CLUL1: variants seen among roughly 807,000 people sequenced by gnomAD.
CLUL1 encodes the protein clusterin-like protein 1.
A neutral mutation model predicts 49.4 loss-of-function variants in CLUL1; 43 were observed. The ratio of observed to expected loss-of-function variants is 0.87; its 90% CI spans 0.68 to 1.12. The LOEUF is 1.12. Ranked by LOEUF, CLUL1 falls within the 50% of genes most tolerant of loss-of-function variation. The pLI is 0.00. For synonymous variants in CLUL1, 192 were observed against 184.9 expected, an observed-to-expected ratio of 1.04 and a Z score of -0.31; for missense variants, 486 against 544.4, an observed-to-expected ratio of 0.89 and a Z score of 1.07.
chr18:649,874 G>A, intron 9 of CLUL1, 24 bp from the exon 10 acceptor site: 1 of 1,303,038 alleles, frequency 7.7e-7, no homozygotes, highest in Non-Finnish European at 1.1e-6. Flanking sequence ...TTTGATCATT[G>A]CTGCCTTTTT....
chr18:645,742 A>C (rs61280520), intron 9 of CLUL1, among the ~76,000 whole-genome samples: 42,284 of 111,630 alleles, frequency 0.38, 9,432 homozygotes, highest in East Asian at 0.65. Flanking sequence ...TGCAGTGAGC[A>C]GAGATCGCGC....
chr18:608,362 C>A (rs1359775454), intron 2 of CLUL1, among the ~76,000 whole-genome samples: 1 of 152,138 alleles, frequency 6.6e-6, no homozygotes, highest in Non-Finnish European at 1.5e-5. Context: ...AATGAAGAGG[C>A]CTAAAAACCC....
intron 4 of CLUL1, among the ~76,000 whole-genome samples, chr18:623,503 G>A (rs186659845): frequency 3.3e-5 from 5 of 152,060 alleles, no homozygotes; most frequent in Admixed American, 1.3e-4. Flanking sequence ...AAATTAGCCC[G>A]GCATGGTGGC....
intron 1 of CLUL1, among the ~76,000 whole-genome samples, chr18:605,487 G>T (rs34753281): frequency 0.14 from 20,683 of 151,868 alleles, 1,454 homozygotes; most frequent in Admixed American, 0.18. Context: ...AATTAGCCAG[G>T]TGTGGTGGCC....
chr18:635,744 G>T (rs947309195), intron 7 of CLUL1, among the ~76,000 whole-genome samples: 7 of 152,070 alleles, frequency 4.6e-5, no homozygotes, highest in African/African-American at 1.7e-4. Context: ...TCAGAGAAAA[G>T]GGAGGATGGA....
At position 641,456 on chromosome 18, in the gene CLUL1, TGGA is replaced by T. The variant is rs1413794523; in HGVS notation, c.1126_1128del (p.Glu376del). The T allele has an allele frequency of 6.2e-7, 1 of 1,614,148 alleles. No individual in the cohort carries two copies. ...CACTTGGAGGACACCGCCTATCTGG[TGGA>T]GAAGATGAGAGGGCAATTTGGCTGG... is the stretch of plus-strand genomic sequence containing the variant. On this transcript the variant is annotated inframe_deletion, in exon 8 of 10. Transcript: ENST00000692774.
chr18:603,976 G>A (rs1020545962), intron 1 of CLUL1, among the ~76,000 whole-genome samples: 1 of 152,142 alleles, frequency 6.6e-6, no homozygotes, highest in African/African-American at 2.4e-5. Flanking sequence ...CACCTCCTGG[G>A]CTCAGGTGAT....
intron 7 of CLUL1, among the ~76,000 whole-genome samples, chr18:640,611 T>G (rs1179325111): frequency 6.6e-6 from 1 of 152,172 alleles, no homozygotes; most frequent in African/African-American, 2.4e-5. Context: ...AGTTCATTAA[T>G]TCACTGTTGT....
At chr18:607,375 C>T (rs1260037907) in intron 2 of CLUL1, among the ~76,000 whole-genome samples, 4 of 152,116 alleles carry the variant, frequency 2.6e-5, no homozygotes, top group South Asian at 2.1e-4. Context: ...GTGATCCACC[C>T]GGCGTGGCCT....
At chr18:635,619 G>A (rs1035348272) in intron 7 of CLUL1, among the ~76,000 whole-genome samples, 2 of 152,126 alleles carry the variant, frequency 1.3e-5, no homozygotes, top group African/African-American at 4.8e-5. Flanking sequence ...GAAGACCACT[G>A]GAGTAATTTA....
chr18:614,208 C>T (rs2073223879), intron 2 of CLUL1, among the ~76,000 whole-genome samples: 1 of 151,840 alleles, frequency 6.6e-6, no homozygotes, highest in Non-Finnish European at 1.5e-5. Context: ...AGGATTTACA[C>T]TCTGCTTCTA....
chr18:599,796 T>G (rs1193994993), intron 1 of CLUL1, among the ~76,000 whole-genome samples: 1 of 151,832 alleles, frequency 6.6e-6, no homozygotes, highest in African/African-American at 2.4e-5. Flanking sequence ...GCTGGGTGTG[T>G]TGGCGGGCGC....
intron 4 of CLUL1, among the ~76,000 whole-genome samples, chr18:624,105 G>T (rs928234865): frequency 6.6e-6 from 1 of 152,176 alleles, no homozygotes; most frequent in Non-Finnish European, 1.5e-5. Context: ...AGGCACTCCA[G>T]GGGCAGGGCT....
chr18:599,932 A>G (rs894851583), intron 1 of CLUL1, among the ~76,000 whole-genome samples: 10 of 147,682 alleles, frequency 6.8e-5, no homozygotes, highest in African/African-American at 2.5e-4. Context: ...TGGGCTACAG[A>G]GCCAGACTTC....
chr18:628,686 T>C (rs1195206870), intron 6 of CLUL1, among the ~76,000 whole-genome samples: 1 of 150,452 alleles, frequency 6.6e-6, no homozygotes, highest in Non-Finnish European at 1.5e-5. Flanking sequence ...GTCCAGGCTG[T>C]ATTGGTGTGA....
intron 1 of CLUL1, among the ~76,000 whole-genome samples, chr18:605,591 A>T (rs919118576): frequency 5.9e-5 from 9 of 152,166 alleles, no homozygotes; most frequent in African/African-American, 2.2e-4. Context: ...AAAAAAGAAA[A>T]TGATAAAGGA....
At chr18:600,572 A>G (rs1268231033) in intron 1 of CLUL1, among the ~76,000 whole-genome samples, 1 of 152,196 alleles carries the variant, frequency 6.6e-6, no homozygotes, top group Non-Finnish European at 1.5e-5. Flanking sequence ...ACACTCAGAA[A>G]CCTGAGGAAA....
In CLUL1 at chr18:633,455, T is replaced by C. The variant is rs1283284162; in HGVS notation, c.994+20T>C. Reference sequence around the variant, plus strand: ...CTGAAGGTAAATAATTGCTATTTTGTTTTTTATTCTACTTTAAGTTCTCAG... The same window carrying C: ...CTGAAGGTAAATAATTGCTATTTTGCTTTTTATTCTACTTTAAGTTCTCAG... On this transcript the variant is annotated intron_variant, in intron 7 of 9. Coordinates refer to ENST00000692774, the MANE Select transcript of CLUL1 (RefSeq NM_001393344.1). The C allele has an allele frequency of 1.2e-6, 2 of 1,603,286 alleles. No individual in the cohort carries two copies. Among genetic ancestry groups the C allele is most frequent in the Non-Finnish European group, 1.7e-6 (2 of 1,172,096 alleles).
At chr18:617,906 G>C in intron 2 of CLUL1, 82 bp from the exon 3 acceptor site, 1 of 1,126,646 alleles carries the variant, frequency 8.9e-7, no homozygotes, top group South Asian at 1.4e-5. Flanking sequence ...AAATGCTTTG[G>C]AGCCCCAGGT....
Sources: allele counts gnomAD v4.1 joint callset (sites outside exome capture counted in the v4.1 genomes callset), GRCh38; gene constraint gnomAD v4.1.1; transcripts MANE v1.5; gene names NCBI Gene and HGNC (gene_info 2026-07-23, HGNC 2026-07-21).